GPM6A: variants seen among roughly 807,000 people sequenced by gnomAD.
The protein encoded by GPM6A is neuronal membrane glycoprotein M6-a.
GPM6A carries 7 observed loss-of-function variants against 32.1 expected under a neutral mutation model. The ratio of observed to expected loss-of-function variants is 0.22; its 90% CI spans 0.12 to 0.41. The LOEUF (loss-of-function observed/expected upper bound fraction) is 0.41. Ranked by LOEUF, GPM6A falls within the 10% of genes least tolerant of loss-of-function variation. The pLI, the probability that GPM6A is intolerant of heterozygous loss-of-function variation, is 1.00. For synonymous variants in GPM6A, 130 were observed against 123.4 expected (o/e 1.05, Z -0.35); for missense variants, 235 against 347.2 (o/e 0.68, Z 2.57).
intron 4 of GPM6A, among the ~76,000 whole-genome samples, chr4:175,650,049 G>A (rs1009505115): frequency 1.3e-5 from 2 of 151,996 alleles, no homozygotes; most frequent in Non-Finnish European, 2.9e-5. Context: ...CATTTGCTGT[G>A]GGCTCCTTTT....
intron 1 of GPM6A, among the ~76,000 whole-genome samples, chr4:175,779,493 G>C (rs896302291): frequency 6.6e-6 from 1 of 152,072 alleles, no homozygotes; most frequent in Non-Finnish European, 1.5e-5. Context: ...TTCAGTAAGC[G>C]GGTTTCGTAT....
At chr4:175,721,402 G>A (rs1385634711) in intron 1 of GPM6A, among the ~76,000 whole-genome samples, 1 of 151,690 alleles carries the variant, frequency 6.6e-6, no homozygotes, top group Non-Finnish European at 1.5e-5. Context: ...CTTGAACCCA[G>A]GAGGCAGAGG....
At chr4:175,894,562 T>A (rs1737741031) in intron 1 of GPM6A, among the ~76,000 whole-genome samples, 2 of 152,160 alleles carry the variant, frequency 1.3e-5, no homozygotes, top group South Asian at 4.1e-4. Context: ...TAATAATGTC[T>A]TCCAGTTAAT....
chr4:175,874,005 C>T (rs1347995553), intron 1 of GPM6A, among the ~76,000 whole-genome samples: 3 of 152,044 alleles, frequency 2.0e-5, no homozygotes, highest in African/African-American at 7.2e-5. Flanking sequence ...ATAAAAGAGT[C>T]CCATAAACTC....
At chr4:175,977,816 G>T (rs1257195799) in intron 1 of GPM6A, among the ~76,000 whole-genome samples, 1 of 152,138 alleles carries the variant, frequency 6.6e-6, no homozygotes, top group Non-Finnish European at 1.5e-5. Flanking sequence ...CTTCTTAAGA[G>T]GTGATAGTTT....
chr4:175,635,071 A>G lies in GPM6A; in HGVS notation c.685-14T>C. 6.2e-7 allele frequency: 1 copy of G among 1,609,076 alleles called. No homozygotes were observed. Among genetic ancestry groups the G allele is most frequent in the Middle Eastern group, 1.7e-4 (1 of 6,048 alleles). ...AAGGTAGTGAACCTAATCAAAGAGAAAAATAATTTATATTGGAAGTTTGTT... is the reference window on the plus strand; with the variant it reads ...AAGGTAGTGAACCTAATCAAAGAGAGAAATAATTTATATTGGAAGTTTGTT... On this transcript the variant is annotated splice_polypyrimidine_tract_variant and intron_variant, in intron 6 of 6. Transcript: ENST00000393658.
intron 3 of GPM6A, among the ~76,000 whole-genome samples, chr4:175,663,963 A>G (rs1742586626): frequency 6.6e-6 from 1 of 152,162 alleles, no homozygotes; most frequent in African/African-American, 2.4e-5. Flanking sequence ...AGGTGCTGGG[A>G]GTACAGGCAT....
chr4:175,830,687 G>C (rs1328651585), intron 1 of GPM6A, among the ~76,000 whole-genome samples: 1 of 152,144 alleles, frequency 6.6e-6, no homozygotes, highest in Middle Eastern at 3.2e-3. Flanking sequence ...TTTGAATAAA[G>C]AGTGTATAAA....
chr4:175,845,261 A>G (rs1230646739), intron 1 of GPM6A, among the ~76,000 whole-genome samples: 4 of 152,154 alleles, frequency 2.6e-5, no homozygotes, highest in Non-Finnish European at 5.9e-5. Flanking sequence ...TTCTCAGCAT[A>G]GAGTTTATAA....
intron 1 of GPM6A, among the ~76,000 whole-genome samples, chr4:175,924,739 C>T (rs752694970): frequency 6.6e-5 from 10 of 150,928 alleles, no homozygotes; most frequent in East Asian, 1.9e-4. Context: ...ACTTGGGAGG[C>T]TGAGGCAGGA....
At chr4:175,995,152 A>T (rs1192527714) in intron 1 of GPM6A, among the ~76,000 whole-genome samples, 1 of 152,114 alleles carries the variant, frequency 6.6e-6, no homozygotes, top group Non-Finnish European at 1.5e-5. Context: ...ACTGGAATCA[A>T]TCTATTCCAA....
At chr4:175,752,873 C>A (rs573325995) in intron 1 of GPM6A, among the ~76,000 whole-genome samples, 6 of 152,160 alleles carry the variant, frequency 3.9e-5, no homozygotes, top group Admixed American at 2.0e-4. Flanking sequence ...AAGGCTCCAT[C>A]TGCAGAGAGT....
Position 175,812,077 on chromosome 4 carries a change from C to T in GPM6A, c.37+114G>A, listed in dbSNP as rs534772446. ...GAACAGACTAAAGGAGAGGAAGGAA[C>T]AAAATGCCTTCCAAGAGAGAAACAT... On this transcript the variant is annotated intron_variant, in intron 1 of 6. Coordinates refer to ENST00000393658, the MANE Select transcript of GPM6A (RefSeq NM_201591.3). 6 of 772,806 alleles carry T rather than the reference C, an allele frequency of 7.8e-6. No individual in the cohort carries two copies. In the Admixed American group the frequency reaches 9.9e-5, roughly 13 times the overall value. 47.9% of individuals were successfully genotyped at this position (772,806 alleles called of 1,614,324 possible).
At chr4:175,949,142 CAG>C (rs1253510201) in intron 1 of GPM6A, among the ~76,000 whole-genome samples, 1 of 152,054 alleles carries the variant, frequency 6.6e-6, no homozygotes, top group Non-Finnish European at 1.5e-5. Flanking sequence ...AAGAAATACT[CAG>C]AAATATCAAA....
intron 2 of GPM6A, among the ~76,000 whole-genome samples, chr4:175,690,937 A>G (rs1338592615): frequency 6.6e-6 from 1 of 152,222 alleles, no homozygotes; most frequent in Admixed American, 6.5e-5. Flanking sequence ...TCTTCAAACA[A>G]TGTGGTGATG....
chr4:175,944,878 A>T (rs1450985720), intron 1 of GPM6A, among the ~76,000 whole-genome samples: 1 of 151,830 alleles, frequency 6.6e-6, no homozygotes, highest in Non-Finnish European at 1.5e-5. Flanking sequence ...TCTTCAACAG[A>T]CATAAATACA....
intron 3 of GPM6A, among the ~76,000 whole-genome samples, chr4:175,667,460 G>T (rs912906927): frequency 3.3e-5 from 5 of 152,120 alleles, no homozygotes; most frequent in Admixed American, 2.6e-4. Flanking sequence ...GTAGTCTAAG[G>T]AGGGACAATT....
chr4:175,879,597 A>C (rs1308233891), intron 1 of GPM6A, among the ~76,000 whole-genome samples: 1 of 152,070 alleles, frequency 6.6e-6, no homozygotes, highest in African/African-American at 2.4e-5. Flanking sequence ...CCCATAATTC[A>C]ATTATCTCCA....
intron 1 of GPM6A, among the ~76,000 whole-genome samples, chr4:175,769,274 G>A (rs1733094791): frequency 6.6e-6 from 1 of 152,072 alleles, no homozygotes; most frequent in South Asian, 2.1e-4. Flanking sequence ...GTAGCAATGT[G>A]AATATGGATA....
Sources: allele counts gnomAD v4.1 joint callset (sites outside exome capture counted in the v4.1 genomes callset), GRCh38; gene constraint gnomAD v4.1.1; transcripts MANE v1.5; gene names NCBI Gene and HGNC (gene_info 2026-07-23, HGNC 2026-07-21).